SLCO3A1: variants seen among roughly 807,000 people sequenced by gnomAD.
SLCO3A1 encodes the protein PGE1 transporter.
In SLCO3A1, 27 loss-of-function variants were observed where a neutral mutation model predicts 63.1. That is an observed-to-expected ratio of 0.43 (90% confidence interval 0.32 to 0.59). The LOEUF is 0.59. SLCO3A1 is among the 20% of genes least tolerant of loss of function. The probability of loss-of-function intolerance (pLI) is 0.09; values close to 1 mark genes in which losing one functional copy is unlikely to be tolerated. For missense variants in SLCO3A1, 773 were observed against 945.8 expected (o/e 0.82, Z 2.40); for synonymous variants, 473 against 409.9 (o/e 1.15, Z -1.86).
At chr15:92,161,872 T>C (rs1408863718) in intron 9 of SLCO3A1, 1 of 148,962 alleles carries the variant, frequency 6.7e-6, no homozygotes, top group East Asian at 2.0e-4. Flanking sequence ...ATGCCGGCGC[T>C]TTGCAGTTTC....
At chr15:91,908,783 G>A (rs555221181) in intron 1 of SLCO3A1, 3 of 141,360 alleles carry the variant, frequency 2.1e-5, no homozygotes, top group South Asian at 2.2e-4. Context: ...AAACTTGGCC[G>A]GGCACGGTGG....
At chr15:91,961,463 G>A (rs990721860) in intron 2 of SLCO3A1, among the ~76,000 whole-genome samples, 8 of 152,204 alleles carry the variant, frequency 5.3e-5, no homozygotes, top group Non-Finnish European at 1.2e-4. Context: ...CTGAGGAAAG[G>A]AAAACAGGGC....
At chr15:92,066,670 C>T (rs898784353) in intron 2 of SLCO3A1, among the ~76,000 whole-genome samples, 9 of 152,266 alleles carry the variant, frequency 5.9e-5, no homozygotes, top group African/African-American at 1.4e-4. Context: ...CTAAGAATAG[C>T]GCCTGCCTTG....
intron 5 of SLCO3A1, among the ~76,000 whole-genome samples, chr15:92,121,592 G>A (rs907381381): frequency 1.3e-5 from 2 of 152,164 alleles, no homozygotes; most frequent in Non-Finnish European, 2.9e-5. Context: ...GATGATAATC[G>A]ATATTATATG....
chr15:92,094,833 C>T (rs57363993), intron 2 of SLCO3A1, 48 bp from the exon 3 acceptor site: 10 of 1,250,538 alleles, frequency 8.0e-6, no homozygotes, highest in Middle Eastern at 3.8e-4. Context: ...TTTTGCTCAT[C>T]GAATAGCTTC....
In SLCO3A1 at chr15:91,882,813, C is replaced by T. The variant is rs1202539956; in HGVS notation, c.180+28725C>T. 2.0e-5 allele frequency among the ~76,000 whole-genome samples: 3 copies of T among 152,198 alleles called. No homozygotes were observed. The highest frequency in any genetic ancestry group is 4.8e-5 in the African/African-American group (2 of 41,446). On this transcript the variant is annotated intron_variant, in intron 1 of 9. Transcript: ENST00000318445. This position sits in a 1 kb window ranked among gnomAD's most constrained non-coding sequence, Gnocchi z 4.4. The stretch of plus-strand genomic sequence containing the variant: ...CTGAGATTACAGGTGTGAGCTACCG[C>T]GCCCAGCCATGACTTCTTAATCCCA...
chr15:92,065,626 G>A (rs986296594), intron 2 of SLCO3A1, among the ~76,000 whole-genome samples: 3 of 152,050 alleles, frequency 2.0e-5, no homozygotes. Flanking sequence ...TTCCCAAGTG[G>A]CCCCTATTTC....
At chr15:92,096,790 G>GA (rs201812261) in intron 3 of SLCO3A1, among the ~76,000 whole-genome samples, 4,716 of 149,996 alleles carry the variant, frequency 0.031, 99 homozygotes, top group Admixed American at 0.051. Flanking sequence ...TTTCCAAGTG[G>GA]AAAAAAAAAA....
In SLCO3A1 at chr15:92,017,151, A is replaced by C. The variant is rs528115706; in HGVS notation, c.647-77730A>C. Among the ~76,000 whole-genome samples the C allele has an allele frequency of 1.1e-3, 166 of 152,344 alleles. 1 individual carries two copies. The highest frequency in any genetic ancestry group is 3.8e-3 in the African/African-American group (157 of 41,584). On this transcript the variant is annotated intron_variant, in intron 2 of 9. Transcript: ENST00000318445. The stretch of plus-strand genomic sequence containing the variant: ...GAAAGAGCCCAAAGAAGACAACATC[A>C]AACATTAGCAGCTTCAGCTGCTGCA...
intron 2 of SLCO3A1, among the ~76,000 whole-genome samples, chr15:92,078,367 G>A (rs1395103849): frequency 2.0e-5 from 3 of 152,192 alleles, no homozygotes; most frequent in Non-Finnish European, 4.4e-5. Flanking sequence ...CTCCATAGCA[G>A]GTGTCTCCCT....
In SLCO3A1 at chr15:91,886,148, A is replaced by G. The variant is rs1453448048; in HGVS notation, c.181-29845A>G. The stretch of plus-strand genomic sequence containing the variant: ...GCTTACCTCTGCATTTTTGCCTTTG[A>G]TTGTTCCCTTTCTTGAGTGTGTCCT... On this transcript the variant is annotated intron_variant, in intron 1 of 9. Coordinates refer to ENST00000318445, the MANE Select transcript of SLCO3A1 (RefSeq NM_013272.4). The surrounding 1 kb of genome is among the most constrained non-coding windows in gnomAD (Gnocchi z 4.9). Among the ~76,000 whole-genome samples the G allele has an allele frequency of 3.3e-5, 5 of 152,022 alleles. No homozygotes were observed. Among genetic ancestry groups the G allele is most frequent in the African/African-American group, 1.2e-4 (5 of 41,382 alleles).
intron 2 of SLCO3A1, among the ~76,000 whole-genome samples, chr15:92,039,435 A>C (rs1334048711): frequency 6.6e-6 from 1 of 152,260 alleles, no homozygotes; most frequent in Non-Finnish European, 1.5e-5. Flanking sequence ...TCTCAAAAGA[A>C]GACATTTATG....
At position 91,916,178 on chromosome 15, in the gene SLCO3A1, G is replaced by C. The variant is rs1898650169; in HGVS notation, c.366G>C (p.Leu122=). Residue 122 remains leucine (L), a synonymous_variant, in exon 2 of 10, where the codon CTG becomes CTC. Transcript: ENST00000318445. This position sits in a 1 kb window ranked among gnomAD's most constrained non-coding sequence, Gnocchi z 6.2. The part of the protein sequence containing the change: ...GGIVMALGAL[L]SALPEFLTHQ... ...TCGTCATGGCGCTGGGCGCGCTGCT[G>C]TCGGCGCTGCCCGAGTTCCTGACCC... 6.2e-7 allele frequency: 1 copy of C among 1,600,798 alleles called. No homozygotes were observed. The highest frequency in any genetic ancestry group is 1.1e-5 in the South Asian group (1 of 90,586).
chr15:91,965,521 G>C (rs1022308600), intron 2 of SLCO3A1, among the ~76,000 whole-genome samples: 2 of 152,162 alleles, frequency 1.3e-5, no homozygotes, highest in African/African-American at 4.8e-5. Context: ...CCAGGATTGA[G>C]ACTCCCACCC....
intron 2 of SLCO3A1, among the ~76,000 whole-genome samples, chr15:92,050,201 G>A (rs1238418161): frequency 1.3e-5 from 2 of 152,230 alleles, no homozygotes; most frequent in African/African-American, 4.8e-5. Flanking sequence ...TGCTTCGAAG[G>A]TGTTAGCACC....
At position 92,076,837 on chromosome 15, in the gene SLCO3A1, G is replaced by A. The variant is rs1208855983; in HGVS notation, c.647-18044G>A. ...ATAGGGGATGAGTGTGATTTAATAT[G>A]TTTTGGGAAGATGAACCGAGTCAAG... On this transcript the variant is annotated intron_variant, in intron 2 of 9. Coordinates refer to ENST00000318445, the MANE Select transcript of SLCO3A1 (RefSeq NM_013272.4). 2.6e-5 allele frequency among the ~76,000 whole-genome samples: 4 copies of A among 152,198 alleles called. No individual in the cohort carries two copies. The East Asian group carries it at 5.8e-4, about 22-fold the overall frequency.
intron 1 of SLCO3A1, among the ~76,000 whole-genome samples, chr15:91,857,084 G>A (rs979252472): frequency 6.7e-6 from 1 of 150,054 alleles, no homozygotes; most frequent in East Asian, 2.0e-4. Context: ...GAGAGAGAGA[G>A]AAAATGTGTG....
chr15:91,988,807 A>G (rs2046088383), intron 2 of SLCO3A1, among the ~76,000 whole-genome samples: 1 of 152,210 alleles, frequency 6.6e-6, no homozygotes, highest in Non-Finnish European at 1.5e-5. Context: ...TATGCACACA[A>G]CAGCTTTATG....
At chr15:92,127,199 A>C (rs1216825451) in intron 6 of SLCO3A1, among the ~76,000 whole-genome samples, 1 of 152,076 alleles carries the variant, frequency 6.6e-6, no homozygotes, top group African/African-American at 2.4e-5. Context: ...CCTGGCCCCG[A>C]CTTCGTGTTC....
Sources: gnomAD v4.1 joint callset for allele counts (sites outside exome capture counted in the v4.1 genomes callset) on GRCh38, gnomAD v4.1.1 for gene constraint, Gnocchi (gnomAD v3.1) non-coding constraint, MANE v1.5 for transcripts, NCBI Gene and HGNC (gene_info 2026-07-23, HGNC 2026-07-21) for gene names.